The following KIAA0232 variants were observed in gnomAD, a reference collection of about 807,000 sequenced individuals.
The protein encoded by KIAA0232 is uncharacterized protein KIAA0232.
Under a neutral mutation model 122.0 loss-of-function variants are expected in KIAA0232, and 27 were observed. That is an observed-to-expected ratio of 0.22 (90% CI 0.16 to 0.31). The LOEUF (loss-of-function observed/expected upper bound fraction) is 0.31, where lower values mean the gene tolerates loss of function less well. Ranked by LOEUF, KIAA0232 falls within the 10% of genes least tolerant of loss-of-function variation. The probability of loss-of-function intolerance (pLI) is 1.00; values close to 1 mark genes in which losing one functional copy is unlikely to be tolerated. For synonymous variants in KIAA0232, 613 were observed against 587.6 expected (o/e 1.04, Z -0.63); for missense variants, 1,551 against 1,634.2 (o/e 0.95, Z 0.88).
chr4:6,841,785 C>G (rs754850326), intron 3 of KIAA0232, among the ~76,000 whole-genome samples: 3 of 152,182 alleles, frequency 2.0e-5, no homozygotes, highest in Non-Finnish European at 2.9e-5. Flanking sequence ...TATAAAGCAT[C>G]TTTGAAAGAA....
At chr4:6,866,727 T>C (rs554490424) in intron 7 of KIAA0232, among the ~76,000 whole-genome samples, 4 of 152,278 alleles carry the variant, frequency 2.6e-5, no homozygotes, top group Admixed American at 2.6e-4. Flanking sequence ...AATATGATTA[T>C]TTTCAAAAGT....
chr4:6,785,728 G>A (rs1453873950), intron 1 of KIAA0232, among the ~76,000 whole-genome samples: 1 of 152,172 alleles, frequency 6.6e-6, no homozygotes, highest in African/African-American at 2.4e-5. Flanking sequence ...GACTGCCTGT[G>A]GTTTGGAGCT....
intron 3 of KIAA0232, among the ~76,000 whole-genome samples, chr4:6,833,091 C>T (rs1395609277): frequency 1.3e-5 from 2 of 152,200 alleles, no homozygotes; most frequent in African/African-American, 2.4e-5. Context: ...TTCAGCATTA[C>T]GCTTCTTGAA....
intron 2 of KIAA0232, among the ~76,000 whole-genome samples, chr4:6,822,362 TATTTAATGTGTGTA>T (rs1426957167): frequency 6.6e-6 from 1 of 152,230 alleles, no homozygotes; most frequent in Non-Finnish European, 1.5e-5. Context: ...GTTGTCTTTA[TATTTAATGTGTGTA>T]AAATTTACTA....
rs377185604 is a variant in KIAA0232, at chr4:6,864,003, A to G, written c.3621A>G (p.Gln1207=). The G allele has an allele frequency of 1.5e-5, 24 of 1,614,146 alleles. No individual in the cohort carries two copies. In the Admixed American group the frequency reaches 2.8e-4, roughly 19 times the overall value. ...ESTGILSVGK[Q]NQCLECSMNE... ...CTGGGATTCTTTCAGTAGGAAAGCA[A>G]AATCAGTGTTTGGAATGTAGCATGA... is the stretch of plus-strand genomic sequence containing the variant. Residue 1207 remains glutamine, a synonymous_variant, in exon 7 of 10, where the codon CAA becomes CAG. Coordinates refer to ENST00000307659, the MANE Select transcript of KIAA0232 (RefSeq NM_014743.3).
At chr4:6,824,119 C>T in intron 2 of KIAA0232, 66 bp from the exon 3 acceptor site, 3 of 413,682 alleles carry the variant, frequency 7.3e-6, no homozygotes, top group East Asian at 3.4e-5. Context: ...ATTTTTTTTC[C>T]TCAAAAGGTC....
chr4:6,800,563 C>T (rs1467358227), intron 1 of KIAA0232, among the ~76,000 whole-genome samples: 1 of 151,674 alleles, frequency 6.6e-6, no homozygotes, highest in Admixed American at 6.6e-5. Flanking sequence ...CACCTGTAAT[C>T]CCAGCTACGC....
At chr4:6,829,041 A>C (rs1312961950) in intron 3 of KIAA0232, among the ~76,000 whole-genome samples, 1 of 151,540 alleles carries the variant, frequency 6.6e-6, no homozygotes. Flanking sequence ...CATCTCCTTA[A>C]TCTCCTTTCA....
At position 6,861,154 on chromosome 4, in the gene KIAA0232, A is replaced by G. The variant is rs1412024247; in HGVS notation, c.772A>G (p.Lys258Glu). The change falls in exon 7 of 10, where the codon AAA becomes GAA. Residue 258 changes from lysine (K) to glutamate (E), a missense_variant. Around this residue, in one of 5 missense-constraint regions of KIAA0232, gnomAD observed 377 missense variants for 381.7 expected, o/e 0.99. Coordinates refer to ENST00000307659, the MANE Select transcript of KIAA0232 (RefSeq NM_014743.3). ...QSKSKNEKEN[K>E]FSNGTIEEKP... ...CAAAAGCAAAAACGAGAAGGAAAAC[A>G]AATTTAGTAATGGCACAATTGAAGA... The G allele has an allele frequency of 8.1e-6, 13 of 1,614,086 alleles. No individual in the cohort carries two copies. The African/African-American group carries it at 1.5e-4, about 18-fold the overall frequency.
At chr4:6,842,248 G>C (rs1577390452) in intron 4 of KIAA0232, 44 bp downstream of exon 4, 2 of 1,539,160 alleles carry the variant, frequency 1.3e-6, no homozygotes, top group African/African-American at 1.4e-5. Context: ...AATAAAAGAA[G>C]GGGTGATTTA....
intron 4 of KIAA0232, among the ~76,000 whole-genome samples, chr4:6,843,352 C>G (rs1053075915): frequency 6.6e-6 from 1 of 152,162 alleles, no homozygotes; most frequent in Non-Finnish European, 1.5e-5. Context: ...TCTAGTGTTG[C>G]GATCGTTGGC....
intron 3 of KIAA0232, among the ~76,000 whole-genome samples, chr4:6,826,348 A>G (rs1263578879): frequency 1.3e-5 from 2 of 152,170 alleles, no homozygotes; most frequent in African/African-American, 4.8e-5. Context: ...CTCTGTTATC[A>G]TCTTTCTGGT....
intron 6 of KIAA0232, among the ~76,000 whole-genome samples, chr4:6,860,346 C>T (rs1361346939): frequency 5.9e-5 from 9 of 152,168 alleles, no homozygotes; most frequent in Non-Finnish European, 1.3e-4. Flanking sequence ...GCAGGCAGAG[C>T]CAGGATTTGA....
chr4:6,834,843 G>C (rs1296400559), intron 3 of KIAA0232, among the ~76,000 whole-genome samples: 1 of 152,158 alleles, frequency 6.6e-6, no homozygotes, highest in Non-Finnish European at 1.5e-5. Flanking sequence ...GGAGGGGTAG[G>C]GGTGGTTCTC....
chr4:6,846,830 A>G (rs1719991119), intron 4 of KIAA0232, among the ~76,000 whole-genome samples: 2 of 152,082 alleles, frequency 1.3e-5, no homozygotes, highest in Non-Finnish European at 2.9e-5. Context: ...ATAATGCACA[A>G]TTTTATTTTG....
chr4:6,846,876 C>G (rs1484692110), intron 4 of KIAA0232, among the ~76,000 whole-genome samples: 2 of 152,124 alleles, frequency 1.3e-5, no homozygotes, highest in Non-Finnish European at 2.9e-5. Context: ...TAAGTATGCT[C>G]ATTTCCTGAG....
intron 4 of KIAA0232, among the ~76,000 whole-genome samples, chr4:6,848,317 C>A (rs1325510191): frequency 1.3e-5 from 2 of 152,172 alleles, no homozygotes; most frequent in East Asian, 1.9e-4. Context: ...GCAGTGTTTA[C>A]CTTCAAGGTT....
At position 6,881,094 on chromosome 4, in the gene KIAA0232, A is replaced by G; in HGVS notation, c.*128A>G. On this transcript the variant is annotated 3_prime_UTR_variant, in exon 10 of 10. Coordinates refer to ENST00000307659, the MANE Select transcript of KIAA0232 (RefSeq NM_014743.3). ...CAATTAACTGATTCAGATTGGTAAT[A>G]ATTATCTTTCTCTTCTTGCTTATTT... 1 of 657,220 alleles carries G rather than the reference A, an allele frequency of 1.5e-6. No homozygotes were observed. The highest frequency in any genetic ancestry group is 2.3e-6 in the Non-Finnish European group (1 of 430,238). 40.7% of individuals were successfully genotyped at this position (657,220 alleles called of 1,614,324 possible).
rs866667604 is a variant in KIAA0232, at chr4:6,882,431, G to C, written c.*1465G>C. 24 of 152,144 alleles carry C rather than the reference G, an allele frequency of 1.6e-4. No homozygotes were observed. The highest frequency in any genetic ancestry group is 5.8e-4 in the African/African-American group (24 of 41,416). The allele number at this position is 152,144 out of a possible 1,614,324, so 9.4% of individuals were successfully genotyped here. On this transcript the variant is annotated 3_prime_UTR_variant, in exon 10 of 10. Coordinates refer to ENST00000307659, the MANE Select transcript of KIAA0232 (RefSeq NM_014743.3). Reference sequence around the variant, plus strand: ...GAACTGGCTGTGAAATCTATGATTTGCTTTGAACATTTGGGTTTTGTTGCC... The same window carrying C: ...GAACTGGCTGTGAAATCTATGATTTCCTTTGAACATTTGGGTTTTGTTGCC...
Sources: allele counts gnomAD v4.1 joint callset (sites outside exome capture counted in the v4.1 genomes callset), GRCh38; gene constraint gnomAD v4.1.1; regional missense constraint gnomAD v4.1.1; transcripts MANE v1.5; gene names NCBI Gene and HGNC (gene_info 2026-07-23, HGNC 2026-07-21).